The following STX8 variants were observed in gnomAD, a reference collection of about 807,000 sequenced individuals.
STX8 encodes syntaxin-8.
Under a neutral mutation model 37.5 loss-of-function variants are expected in STX8, and 23 were observed. That is an observed-to-expected ratio of 0.61 (90% CI 0.44 to 0.87). The LOEUF (loss-of-function observed/expected upper bound fraction) is 0.87. Ranked by LOEUF, STX8 falls within the 40% of genes least tolerant of loss-of-function variation. The pLI, the probability that STX8 is intolerant of heterozygous loss-of-function variation, is 0.00. For missense variants in STX8, 313 were observed against 284.7 expected (o/e 1.10, Z -0.71); for synonymous variants, 115 against 99.1 (o/e 1.16, Z -0.95).
At chr17:9,548,192 G>C (rs1336437061) in intron 3 of STX8, among the ~76,000 whole-genome samples, 1 of 151,970 alleles carries the variant, frequency 6.6e-6, no homozygotes, top group African/African-American at 2.4e-5. Context: ...GCAACCTCCA[G>C]CTCCAGAGTT....
intron 4 of STX8, among the ~76,000 whole-genome samples, chr17:9,532,724 C>T (rs1905867132): frequency 1.3e-5 from 2 of 152,014 alleles, no homozygotes; most frequent in Non-Finnish European, 1.5e-5. Flanking sequence ...TCAACCAAAC[C>T]GACTCTTCCA....
At chr17:9,441,917 C>T (rs1003957261) in intron 6 of STX8, among the ~76,000 whole-genome samples, 6 of 151,850 alleles carry the variant, frequency 4.0e-5, no homozygotes, top group Non-Finnish European at 7.4e-5. Flanking sequence ...CCTCGTGATC[C>T]GCCCACCTCG....
chr17:9,536,188 T>C (rs1906044010), intron 4 of STX8, among the ~76,000 whole-genome samples: 1 of 152,234 alleles, frequency 6.6e-6, no homozygotes, highest in Non-Finnish European at 1.5e-5. Context: ...ATGAATTATA[T>C]TACTTATGCA....
intron 7 of STX8, among the ~76,000 whole-genome samples, chr17:9,365,101 T>C (rs916697522): frequency 4.6e-5 from 7 of 152,192 alleles, no homozygotes; most frequent in Non-Finnish European, 1.0e-4. Flanking sequence ...TCTGCCTAGA[T>C]AGATATGAGA....
At chr17:9,446,317 G>A (rs985785106) in intron 6 of STX8, among the ~76,000 whole-genome samples, 2 of 152,254 alleles carry the variant, frequency 1.3e-5, no homozygotes, top group Admixed American at 1.3e-4. Flanking sequence ...TAGCAACACT[G>A]TGCTTTATTA....
chr17:9,513,001 A>G (rs71369628), intron 4 of STX8, among the ~76,000 whole-genome samples: 1 of 152,180 alleles, frequency 6.6e-6, no homozygotes, highest in Non-Finnish European at 1.5e-5. Flanking sequence ...TCACAAGCAC[A>G]GGCAACAAAA....
intron 6 of STX8, among the ~76,000 whole-genome samples, chr17:9,400,015 G>C (rs1912547459): frequency 6.6e-6 from 1 of 152,050 alleles, no homozygotes. Context: ...ATCCAGTTGA[G>C]TGTGCCTGTA....
intron 5 of STX8, among the ~76,000 whole-genome samples, chr17:9,499,019 C>CA (rs773942211): frequency 4.9e-4 from 75 of 152,172 alleles, no homozygotes; most frequent in Non-Finnish European, 6.9e-4. Flanking sequence ...GCTGAAGGGG[C>CA]ACAGAAGCCA....
chr17:9,388,483 C>T (rs1429583753), intron 6 of STX8, among the ~76,000 whole-genome samples: 1 of 151,894 alleles, frequency 6.6e-6, no homozygotes, highest in Non-Finnish European at 1.5e-5. Context: ...TGTAATTCCC[C>T]CATGTGTTCA....
At chr17:9,300,823 T>C (rs1206949204) in intron 7 of STX8, among the ~76,000 whole-genome samples, 1 of 144,632 alleles carries the variant, frequency 6.9e-6, no homozygotes, top group Non-Finnish European at 1.5e-5. Context: ...GACATTCTTA[T>C]TTTGTTCTTT....
At chr17:9,510,178 A>C (rs997597350) in intron 4 of STX8, among the ~76,000 whole-genome samples, 8 of 152,230 alleles carry the variant, frequency 5.3e-5, no homozygotes, top group African/African-American at 1.9e-4. Context: ...CAAATAGAGT[A>C]ATAGCTGGAG....
chr17:9,565,064 T>C (rs545029968), intron 2 of STX8, among the ~76,000 whole-genome samples: 1 of 151,964 alleles, frequency 6.6e-6, no homozygotes, highest in South Asian at 2.1e-4. Flanking sequence ...AAAAATTAGC[T>C]GGAAGTGGTG....
Position 9,250,552 on chromosome 17 carries a change from C to A in STX8, c.*26G>T. 6.4e-7 allele frequency: 1 copy of A among 1,572,820 alleles called. No homozygotes were observed. Among genetic ancestry groups the A allele is most frequent in the South Asian group, 1.2e-5 (1 of 85,838 alleles). ...GCTTGCATCTGTCATTGGCAGGTGT[C>A]ACTGCTGGTGGTCTCTTTACTGCCA... On this transcript the variant is annotated 3_prime_UTR_variant, in exon 8 of 8. Transcript: ENST00000306357.
chr17:9,432,184 TAAA>T (rs1914009524), intron 6 of STX8, among the ~76,000 whole-genome samples: 1 of 151,894 alleles, frequency 6.6e-6, no homozygotes, highest in African/African-American at 2.4e-5. Flanking sequence ...TAAGTAAAAA[TAAA>T]AAAGTTCCAA....
rs149369109 is a variant in STX8, at chr17:9,284,861, G to A, written c.644-34216C>T. On this transcript the variant is annotated intron_variant, in intron 7 of 7. Coordinates refer to ENST00000306357, the MANE Select transcript of STX8 (RefSeq NM_004853.3). Reference sequence around the variant, plus strand: ...CTTGACTTTCTAGGGGCCGAAACACGCAAGATCCTTCTCAGTTCTCTCCCT... The same window carrying A: ...CTTGACTTTCTAGGGGCCGAAACACACAAGATCCTTCTCAGTTCTCTCCCT... 5.1e-3 allele frequency among the ~76,000 whole-genome samples: 780 copies of A among 152,198 alleles called. 7 individuals carry two copies. Among genetic ancestry groups the A allele is most frequent in the African/African-American group, 0.018 (743 of 41,522 alleles).
chr17:9,441,360 T>C (rs554848825), intron 6 of STX8, among the ~76,000 whole-genome samples: 1 of 151,588 alleles, frequency 6.6e-6, no homozygotes, highest in South Asian at 2.1e-4. Flanking sequence ...TGTGGTGGCA[T>C]GCACCTGTAG....
chr17:9,518,211 C>A (rs1379209384), intron 4 of STX8, among the ~76,000 whole-genome samples: 1 of 152,128 alleles, frequency 6.6e-6, no homozygotes, highest in African/African-American at 2.4e-5. Flanking sequence ...CACTCCTCAA[C>A]CCACTGCAAG....
At chr17:9,367,424 G>A (rs1911262969) in intron 7 of STX8, among the ~76,000 whole-genome samples, 1 of 152,126 alleles carries the variant, frequency 6.6e-6, no homozygotes, top group Admixed American at 6.5e-5. Context: ...CTCTGGCCCT[G>A]CAGCTGTCAC....
intron 7 of STX8, among the ~76,000 whole-genome samples, chr17:9,275,904 G>A (rs1361426768): frequency 1.3e-5 from 2 of 151,940 alleles, no homozygotes; most frequent in Middle Eastern, 3.4e-3. Flanking sequence ...AAGGGCGGGG[G>A]ATAACAGTAG....
Sources: gnomAD v4.1 joint callset for allele counts (sites outside exome capture counted in the v4.1 genomes callset) on GRCh38, gnomAD v4.1.1 for gene constraint, MANE v1.5 for transcripts, NCBI Gene and HGNC (gene_info 2026-07-23, HGNC 2026-07-21) for gene names.